The following MKLN1 variants were observed in gnomAD, a reference collection of about 807,000 sequenced individuals.
MKLN1 encodes muskelin 1.
In MKLN1, 18 loss-of-function variants were observed where a neutral mutation model predicts 99.0. That is an observed-to-expected ratio of 0.18 (90% CI 0.13 to 0.27). The LOEUF (loss-of-function observed/expected upper bound fraction) is 0.27, where lower values mean the gene tolerates loss of function less well. Among genes scored for constraint, MKLN1 ranks in the 10% least tolerant of loss-of-function variants. The pLI is 1.00. For synonymous variants in MKLN1, 288 were observed against 293.2 expected, an observed-to-expected ratio of 0.98 and a Z score of 0.18; for missense variants, 621 against 875.9, an observed-to-expected ratio of 0.71 and a Z score of 3.67.
At chr7:131,251,260 A>C (rs1312295238) in intron 3 of MKLN1, among the ~76,000 whole-genome samples, 1 of 152,212 alleles carries the variant, frequency 6.6e-6, no homozygotes, top group Non-Finnish European at 1.5e-5. Flanking sequence ...ATCATTAAGC[A>C]AGAAATCCCC....
At chr7:131,402,628 C>T (rs1161022627) in intron 6 of MKLN1, among the ~76,000 whole-genome samples, 1 of 152,076 alleles carries the variant, frequency 6.6e-6, no homozygotes. Context: ...ATAAGATTTT[C>T]TTGAAAGTCT....
chr7:131,444,903 C>T (rs13240556), intron 11 of MKLN1, among the ~76,000 whole-genome samples: 27,372 of 151,570 alleles, frequency 0.18, 2,984 homozygotes, highest in Admixed American at 0.32. Flanking sequence ...TCACCTTGGC[C>T]TGCCCAAATG....
chr7:131,202,816 A>G (rs1796750773), intron 2 of MKLN1: 1 of 152,172 alleles, frequency 6.6e-6, no homozygotes, highest in Middle Eastern at 3.2e-3. Context: ...ACCCAGTCTG[A>G]TTCATTGCTC....
intron 2 of MKLN1, among the ~76,000 whole-genome samples, chr7:131,173,791 TA>T (rs574238928): frequency 7.5e-4 from 114 of 152,052 alleles, no homozygotes; most frequent in Non-Finnish European, 1.2e-3. Context: ...AGGAGCAGCT[TA>T]AAAAAACAAA....
At chr7:131,295,885 A>G (rs981272080) in intron 3 of MKLN1, among the ~76,000 whole-genome samples, 23 of 148,136 alleles carry the variant, frequency 1.6e-4, no homozygotes, top group African/African-American at 5.4e-4. Flanking sequence ...GTCCTATCCA[A>G]AAAAAAAAAA....
intron 2 of MKLN1, chr7:131,142,986 A>T: frequency 3.2e-6 from 4 of 1,252,246 alleles, no homozygotes; most frequent in Non-Finnish European, 4.3e-6. Context: ...GTTGTCAAAA[A>T]AGTACTGTAC....
intron 12 of MKLN1, among the ~76,000 whole-genome samples, chr7:131,456,904 T>G (rs898072018): frequency 6.6e-6 from 1 of 151,336 alleles, no homozygotes; most frequent in Non-Finnish European, 1.5e-5. Context: ...CATACTGATA[T>G]AACTAGACAG....
chr7:131,254,192 C>T (rs564466131), intron 3 of MKLN1, among the ~76,000 whole-genome samples: 1 of 152,166 alleles, frequency 6.6e-6, no homozygotes, highest in African/African-American at 2.4e-5. Context: ...ACATGACCAA[C>T]CCTGTACCTT....
intron 1 of MKLN1, among the ~76,000 whole-genome samples, chr7:131,338,098 G>A (rs938583780): frequency 2.0e-5 from 3 of 152,056 alleles, no homozygotes; most frequent in South Asian, 2.1e-4. Context: ...GTATTTTTAG[G>A]GCTTCTCTGG....
rs538502391 is a variant in MKLN1, at chr7:131,317,080, A to G, written c.-178-58344A>G. On this transcript the variant is annotated intron_variant, in intron 3 of 7. Transcript: ENST00000416992. ...CCCCAACCTAGCAAGACAGACCAAC[A>G]TTCAAATTCAGGAAATACAGAGAAC... Among the ~76,000 whole-genome samples the G allele has an allele frequency of 1.9e-3, 282 of 152,330 alleles. 3 individuals are homozygous for G. Among genetic ancestry groups the G allele is most frequent in the African/African-American group, 6.6e-3 (276 of 41,584 alleles).
intron 1 of MKLN1, among the ~76,000 whole-genome samples, chr7:131,137,877 A>T (rs985396405): frequency 2.0e-5 from 3 of 151,296 alleles, no homozygotes; most frequent in African/African-American, 7.3e-5. Flanking sequence ...ACCCGGCCAG[A>T]ACACATGAAC....
chr7:131,257,194 G>T (rs1383021565), intron 3 of MKLN1, among the ~76,000 whole-genome samples: 1 of 152,042 alleles, frequency 6.6e-6, no homozygotes, highest in African/African-American at 2.4e-5. Flanking sequence ...AATATGGACT[G>T]TTCTCTAGGA....
At chr7:131,264,196 G>T (rs1240323626) in intron 3 of MKLN1, among the ~76,000 whole-genome samples, 2 of 152,228 alleles carry the variant, frequency 1.3e-5, no homozygotes, top group South Asian at 2.1e-4. Flanking sequence ...ACTAAAGACA[G>T]AACACTTTGG....
chr7:131,387,251 G>A lies in MKLN1; in HGVS notation c.300G>A (p.Glu100=), dbSNP rs1794061089. Reference sequence around the variant, plus strand: ...GAATGAATGAAGAAAATATGACAGAGCTGTTGTCCAGGTGAGTTATGGTTA... The same window carrying A: ...GAATGAATGAAGAAAATATGACAGAACTGTTGTCCAGGTGAGTTATGGTTA... ...FGGMNEENMT[E]LLSSGLKNDY... Residue 100 remains glutamate, a synonymous_variant, in exon 3 of 18, where the codon GAG becomes GAA. Transcript: ENST00000352689. The A allele has an allele frequency of 6.2e-7, 1 of 1,610,222 alleles. No homozygotes were observed. Among genetic ancestry groups the A allele is most frequent in the Admixed American group, 1.7e-5 (1 of 59,532 alleles).
chr7:131,399,177 A>G lies in MKLN1; in HGVS notation c.511-64A>G, dbSNP rs79899797. The G allele has an allele frequency of 1.0e-4, 139 of 1,380,102 alleles. No individual in the cohort carries two copies. In the African/African-American group the frequency reaches 1.8e-3, roughly 18 times the overall value. 85.5% of individuals were successfully genotyped at this position (1,380,102 alleles called of 1,614,324 possible). A position where few individuals can be genotyped will look rare whatever the true frequency, so the allele number is the denominator to read the frequency against. On this transcript the variant is annotated intron_variant, in intron 5 of 17. Transcript: ENST00000352689. ...TAGATTAGTTATTTTTACTGTTGTTATTGTTTCCTACAGTATCATCTAACC... is the reference window on the plus strand; with the variant it reads ...TAGATTAGTTATTTTTACTGTTGTTGTTGTTTCCTACAGTATCATCTAACC...
intron 1 of MKLN1, among the ~76,000 whole-genome samples, chr7:131,351,633 T>A (rs1047894626): frequency 1.3e-5 from 2 of 152,036 alleles, no homozygotes; most frequent in African/African-American, 4.8e-5. Flanking sequence ...GGCTCATTTT[T>A]AAATTTTTTT....
intron 5 of MKLN1, among the ~76,000 whole-genome samples, chr7:131,398,775 C>T (rs1373247253): frequency 1.3e-5 from 2 of 151,850 alleles, no homozygotes; most frequent in African/African-American, 4.8e-5. Flanking sequence ...TTTGAAATAT[C>T]TGTATACTTG....
rs1345451387 is a variant in MKLN1, at chr7:131,397,343, T to C, written c.477T>C (p.Asp159=). 1.2e-6 allele frequency: 2 copies of C among 1,612,514 alleles called. No homozygotes were observed. The highest frequency in any genetic ancestry group is 1.7e-6 in the Non-Finnish European group (2 of 1,178,864). Residue 159 remains aspartate, a synonymous_variant, in exon 5 of 18, where the codon GAT becomes GAC. Transcript: ENST00000352689. ...AACTTAGTGGCATTGATGATCCTGA[T>C]ATAGTACAACCTTGTCTCAACTGGT... ...YVELSGIDDP[D]IVQPCLNWYS... is the part of the protein sequence containing the mutation.
At chr7:131,280,096 T>C (rs1798029312) in intron 3 of MKLN1, among the ~76,000 whole-genome samples, 1 of 152,174 alleles carries the variant, frequency 6.6e-6, no homozygotes, top group Non-Finnish European at 1.5e-5. Flanking sequence ...TTCCTTCACT[T>C]GTTTTCCAGG....
Sources: allele counts gnomAD v4.1 joint callset (sites outside exome capture counted in the v4.1 genomes callset), GRCh38; gene constraint gnomAD v4.1.1; transcripts MANE v1.5; gene names NCBI Gene and HGNC (gene_info 2026-07-23, HGNC 2026-07-21).